The following PRKN variants were observed in gnomAD, a reference collection of about 807,000 sequenced individuals.
PRKN encodes parkin RBR E3 ubiquitin protein ligase.
A neutral mutation model predicts 59.5 loss-of-function variants in PRKN; 56 were observed. That is an observed-to-expected ratio of 0.94 (90% CI 0.76 to 1.18). PRKN has a LOEUF of 1.18. PRKN is among the 50% of genes most tolerant of loss of function. The probability of loss-of-function intolerance (pLI) is 0.00; values close to 1 mark genes in which losing one functional copy is unlikely to be tolerated. For synonymous variants in PRKN, 250 were observed against 222.1 expected (o/e 1.13, Z -1.12); for missense variants, 657 against 596.4 (o/e 1.10, Z -1.06).
At chr6:162,103,726 G>T (rs919378337) in intron 4 of PRKN, among the ~76,000 whole-genome samples, 1 of 152,122 alleles carries the variant, frequency 6.6e-6, no homozygotes, top group African/African-American at 2.4e-5. Context: ...GGCCTTCTGA[G>T]CCCAGAAAGG....
chr6:162,310,245 G>A (rs1782433905), intron 2 of PRKN, among the ~76,000 whole-genome samples: 1 of 152,140 alleles, frequency 6.6e-6, no homozygotes, highest in Non-Finnish European at 1.5e-5. Context: ...GCAGCTGTCT[G>A]ATCCACCGTC....
intron 1 of PRKN, chr6:162,568,670 G>A (rs1562393534): frequency 5.6e-6 from 5 of 898,426 alleles, no homozygotes; most frequent in Non-Finnish European, 9.2e-6. Context: ...ACATGCTAGA[G>A]ACCAAGTGGA....
intron 1 of PRKN, among the ~76,000 whole-genome samples, chr6:162,575,866 G>A (rs577731477): frequency 2.0e-5 from 3 of 152,274 alleles, no homozygotes; most frequent in Admixed American, 6.5e-5. Context: ...TCGGCCTGGA[G>A]GTTTTGCTTG....
chr6:161,937,440 A>G (rs77981956), intron 6 of PRKN, among the ~76,000 whole-genome samples: 1,919 of 152,338 alleles, frequency 0.013, 44 homozygotes, highest in African/African-American at 0.042. Context: ...TTAAGTCTTT[A>G]TCATCTATAG....
intron 5 of PRKN, among the ~76,000 whole-genome samples, chr6:162,010,673 AC>A (rs1782541720): frequency 6.0e-4 from 2 of 3,340 alleles, no homozygotes; most frequent in South Asian, 0.026. Context: ...TATATAATAT[AC>A]TATATATTAT....
At chr6:161,953,202 C>G (rs1780050633) in intron 6 of PRKN, among the ~76,000 whole-genome samples, 1 of 152,122 alleles carries the variant, frequency 6.6e-6, no homozygotes, top group African/African-American at 2.4e-5. Context: ...ACCTCCACCT[C>G]CCGGGTTCAA....
chr6:162,491,717 G>A (rs374888520), intron 1 of PRKN, among the ~76,000 whole-genome samples: 1 of 152,160 alleles, frequency 6.6e-6, no homozygotes, highest in East Asian at 1.9e-4. Context: ...AGGCCCATTC[G>A]TCACAGCTCC....
chr6:161,820,712 A>T (rs900731482), intron 6 of PRKN, among the ~76,000 whole-genome samples: 5 of 148,778 alleles, frequency 3.4e-5, no homozygotes, highest in African/African-American at 1.2e-4. Context: ...GCATAAATAA[A>T]ATTATATAAT....
intron 1 of PRKN, among the ~76,000 whole-genome samples, chr6:162,499,579 A>C (rs1274974158): frequency 1.3e-5 from 2 of 152,178 alleles, no homozygotes; most frequent in Non-Finnish European, 2.9e-5. Context: ...ACAGACAATT[A>C]ACTGGAATTC....
chr6:161,978,671 G>T (rs1309080046), intron 5 of PRKN, among the ~76,000 whole-genome samples: 1 of 152,238 alleles, frequency 6.6e-6, no homozygotes, highest in African/African-American at 2.4e-5. Context: ...TGGTCAGAAG[G>T]CTGGCACCAC....
rs998863544 is a variant in PRKN at position 161,576,223 on chromosome 6, A to G, written c.872-6807T>C. On this transcript the variant is annotated intron_variant, in intron 7 of 11. Coordinates refer to ENST00000366898, the MANE Select transcript of PRKN (RefSeq NM_004562.3). The surrounding 1 kb of genome is among the most constrained non-coding windows in gnomAD (Gnocchi z 4.6). ...AAAGCATTATCGTTTTCATAAATAA[A>G]GCCAAGCTTATTTTAATCCTTTCTC... Among the ~76,000 whole-genome samples the G allele has an allele frequency of 5.3e-5, 8 of 152,224 alleles. No individual in the cohort carries two copies. The highest frequency in any genetic ancestry group is 2.9e-5 in the Non-Finnish European group (2 of 68,030).
chr6:162,496,220 G>A (rs1324387542), intron 1 of PRKN, among the ~76,000 whole-genome samples: 2 of 151,872 alleles, frequency 1.3e-5, no homozygotes. Flanking sequence ...CTGGGCAATA[G>A]AGCGAGACTC....
chr6:161,602,869 G>A (rs1782155861), intron 7 of PRKN, among the ~76,000 whole-genome samples: 2 of 152,192 alleles, frequency 1.3e-5, no homozygotes, highest in South Asian at 4.1e-4. Context: ...TGCCCTCAAA[G>A]AGCCCACAGC....
At position 162,134,495 on chromosome 6, in the gene PRKN, G is replaced by A. The variant is rs116109359; in HGVS notation, c.534+66636C>T. ...ATTTCAGAGCTAGGGAGGTGGCCAG[G>A]AGAAGTTTCAGAAGGGAGAGTGAAG... On this transcript the variant is annotated intron_variant, in intron 4 of 11. Coordinates refer to ENST00000366898, the MANE Select transcript of PRKN (RefSeq NM_004562.3). 1.8e-3 allele frequency among the ~76,000 whole-genome samples: 278 copies of A among 152,318 alleles called. 4 individuals carry two copies. Among genetic ancestry groups the A allele is most frequent in the African/African-American group, 6.3e-3 (264 of 41,576 alleles).
chr6:162,636,918 C>G (rs1777735163), intron 1 of PRKN, among the ~76,000 whole-genome samples: 1 of 151,868 alleles, frequency 6.6e-6, no homozygotes, highest in South Asian at 2.1e-4. Context: ...CATGACAGTG[C>G]CACTGCACAT....
chr6:162,658,583 C>A (rs1173993133), intron 1 of PRKN, among the ~76,000 whole-genome samples: 2 of 147,274 alleles, frequency 1.4e-5, no homozygotes, highest in South Asian at 2.1e-4. Flanking sequence ...ATCGCTTGAA[C>A]CCGGGAGGCG....
At chr6:162,302,434 T>G (rs1782003504) in intron 2 of PRKN, among the ~76,000 whole-genome samples, 1 of 152,124 alleles carries the variant, frequency 6.6e-6, no homozygotes, top group East Asian at 1.9e-4. Flanking sequence ...GAAGGAGACT[T>G]CAATCATGAG....
chr6:162,233,270 AT>A (rs1176216416), intron 3 of PRKN, among the ~76,000 whole-genome samples: 1 of 152,184 alleles, frequency 6.6e-6, no homozygotes, highest in Non-Finnish European at 1.5e-5. Context: ...CCTAGAAAAA[AT>A]ATAGACATTT....
chr6:161,391,594 T>C lies in PRKN; in HGVS notation c.1084-4717A>G, dbSNP rs11964284. On this transcript the variant is annotated intron_variant, in intron 9 of 11. Coordinates refer to ENST00000366898, the MANE Select transcript of PRKN (RefSeq NM_004562.3). The surrounding 1 kb of genome is among the most constrained non-coding windows in gnomAD (Gnocchi z 4.9). ...AGTCCCTGTGACGAGAGTTTATGTA[T>C]TAACTTGGCTAGGCTATGGTCCTCA... Among the ~76,000 whole-genome samples the C allele has an allele frequency of 0.16, 23,624 of 152,064 alleles. 1,964 individuals are homozygous for C. The highest frequency in any genetic ancestry group is 0.27 in the South Asian group (1,294 of 4,820).
Sources: gnomAD v4.1 joint callset for allele counts (sites outside exome capture counted in the v4.1 genomes callset) on GRCh38, gnomAD v4.1.1 for gene constraint, Gnocchi (gnomAD v3.1) non-coding constraint, MANE v1.5 for transcripts, NCBI Gene and HGNC (gene_info 2026-07-23, HGNC 2026-07-21) for gene names.